The following RBFOX1 variants were observed in gnomAD, a reference collection of about 807,000 sequenced individuals.
RBFOX1 encodes RNA binding protein fox-1 homolog 1.
In RBFOX1, 8 loss-of-function variants were observed where a neutral mutation model predicts 57.7. That is an observed-to-expected ratio of 0.14 (90% confidence interval 0.08 to 0.25). The LOEUF (loss-of-function observed/expected upper bound fraction) is 0.25, where lower values mean the gene tolerates loss of function less well. RBFOX1 is among the 10% of genes least tolerant of loss of function. The pLI, the probability that RBFOX1 is intolerant of heterozygous loss-of-function variation, is 1.00. For missense variants in RBFOX1, 611 were observed against 548.5 expected (o/e 1.11, Z -1.14); for synonymous variants, 326 against 222.4 (o/e 1.47, Z -4.15).
At chr16:7,704,086 G>A (rs1218619558) in intron 14 of RBFOX1, among the ~76,000 whole-genome samples, 1 of 152,180 alleles carries the variant, frequency 6.6e-6, no homozygotes, top group Non-Finnish European at 1.5e-5. Context: ...TACAAATGAG[G>A]AAGATGAGGC....
intron 4 of RBFOX1, among the ~76,000 whole-genome samples, chr16:7,388,028 C>G (rs1207024523): frequency 6.6e-6 from 1 of 150,928 alleles, no homozygotes. Context: ...AACAAAATAT[C>G]CTTTTTTTTG....
rs879507399 is a variant in RBFOX1 at position 7,098,366 on chromosome 16, C to T, written c.27+46268C>T. 1.1e-4 allele frequency among the ~76,000 whole-genome samples: 16 copies of T among 152,098 alleles called. 1 individual carries two copies. Among genetic ancestry groups the T allele is most frequent in the South Asian group, 4.1e-4 (2 of 4,822 alleles). On this transcript the variant is annotated intron_variant, in intron 4 of 15. Transcript: ENST00000550418. ...TATATTTTTAGTGGAGATGGGGTTT[C>T]GCCATTTTAGCCAGGCTGGCCTCAA...
intron 4 of RBFOX1, among the ~76,000 whole-genome samples, chr16:7,348,556 G>C (rs1366480179): frequency 6.6e-6 from 1 of 152,122 alleles, no homozygotes; most frequent in Non-Finnish European, 1.5e-5. Context: ...TAAGTAAATA[G>C]ATCACCAAAG....
intron 4 of RBFOX1, among the ~76,000 whole-genome samples, chr16:7,478,690 C>G (rs922255366): frequency 6.6e-6 from 1 of 152,190 alleles, no homozygotes; most frequent in East Asian, 1.9e-4. Flanking sequence ...AAACCTCAAC[C>G]TCTGAATATG....
At chr16:6,404,893 A>G (rs566495395) in intron 2 of RBFOX1, among the ~76,000 whole-genome samples, 1 of 152,338 alleles carries the variant, frequency 6.6e-6, no homozygotes, top group Non-Finnish European at 1.5e-5. Context: ...TATGGAAGGA[A>G]GAAGCCTGGC....
At chr16:6,411,098 G>A (rs943042142) in intron 2 of RBFOX1, among the ~76,000 whole-genome samples, 2 of 152,168 alleles carry the variant, frequency 1.3e-5, no homozygotes, top group African/African-American at 4.8e-5. Context: ...CCAACTGGAT[G>A]TCCCGCAATC....
chr16:7,195,048 C>A lies in RBFOX1; in HGVS notation c.27+142950C>A, dbSNP rs537902655. On this transcript the variant is annotated intron_variant, in intron 4 of 15. Coordinates refer to ENST00000550418, the MANE Select transcript of RBFOX1 (RefSeq NM_018723.4). ...TTGTTTATTGTTCTTCTAATTCTAG[C>A]AACAAAACTTTAAAAAATTATACTC... Among the ~76,000 whole-genome samples the A allele has an allele frequency of 2.0e-3, 307 of 151,698 alleles. 2 individuals carry two copies. The highest frequency in any genetic ancestry group is 7.0e-3 in the African/African-American group (289 of 41,326).
At chr16:6,382,918 G>A (rs1235841794) in intron 2 of RBFOX1, among the ~76,000 whole-genome samples, 4 of 152,130 alleles carry the variant, frequency 2.6e-5, no homozygotes, top group South Asian at 4.1e-4. Flanking sequence ...ATTACCCAAA[G>A]CAGGAGAAGC....
chr16:5,705,504 G>T (rs186944642), intron 3 of RBFOX1, among the ~76,000 whole-genome samples: 1 of 152,178 alleles, frequency 6.6e-6, no homozygotes, highest in African/African-American at 2.4e-5. Flanking sequence ...CTCAAGCAAG[G>T]ATCTCTCAGC....
rs906120267 is a variant in RBFOX1, at chr16:5,341,111, A to C, written c.219+101006A>C. ...GCAGGAACAAGCTTGGTGAATTTGC[A>C]GGAGACCAAGGATGCCAGCAGGGTT... On this transcript the variant is annotated intron_variant, in intron 1 of 2. Transcript: ENST00000585867. Among the ~76,000 whole-genome samples, 3 of 152,286 alleles carry C rather than the reference A, an allele frequency of 2.0e-5. No homozygotes were observed. In the East Asian group the frequency reaches 5.8e-4, roughly 29 times the overall value.
chr16:6,686,703 T>C (rs1340209788), intron 3 of RBFOX1, among the ~76,000 whole-genome samples: 2 of 152,306 alleles, frequency 1.3e-5, no homozygotes, highest in East Asian at 1.9e-4. Context: ...GGGAACGCAA[T>C]TGTGAGACTA....
chr16:5,532,893 T>G (rs893826787), intron 2 of RBFOX1, among the ~76,000 whole-genome samples: 1 of 152,312 alleles, frequency 6.6e-6, no homozygotes, highest in Admixed American at 6.5e-5. Flanking sequence ...CTGGAGACCC[T>G]GATGGAGATG....
chr16:7,460,389 A>ATATATATGTGTGTG lies in RBFOX1; in HGVS notation c.28-57757_28-57756insATATATGTGTGTGT. Among the ~76,000 whole-genome samples, 169 of 87,194 alleles carry ATATATATGTGTGTG rather than the reference A, an allele frequency of 1.9e-3. 1 individual carries two copies. Among genetic ancestry groups the ATATATATGTGTGTG allele is most frequent in the African/African-American group, 9.8e-3 (150 of 15,348 alleles). The allele number at this position is 87,194 out of a possible 152,430, so 57.2% of individuals were successfully genotyped here. On this transcript the variant is annotated intron_variant, in intron 4 of 15. Transcript: ENST00000550418. ...TAGCAAAATATATATATATATATAT[A>ATATATATGTGTGTG]TGTGTGTGTGTGTGTGTGTGTGTGT...
At position 7,472,645 on chromosome 16, in the gene RBFOX1, A is replaced by T. The variant is rs9936852; in HGVS notation, c.28-45502A>T. Among the ~76,000 whole-genome samples the T allele has an allele frequency of 9.9e-3, 1,505 of 152,298 alleles. 33 individuals are homozygous for T. The highest frequency in any genetic ancestry group is 0.035 in the African/African-American group (1,447 of 41,564). On this transcript the variant is annotated intron_variant, in intron 4 of 15. Coordinates refer to ENST00000550418, the MANE Select transcript of RBFOX1 (RefSeq NM_018723.4). ...TCTCCTCCGAGACTGCACTGTAGCTATTTTTGAGCATTAATCCAGAGGCAG... is the reference window on the plus strand; with the variant it reads ...TCTCCTCCGAGACTGCACTGTAGCTTTTTTTGAGCATTAATCCAGAGGCAG...
intron 4 of RBFOX1, among the ~76,000 whole-genome samples, chr16:5,906,015 T>C (rs1212255277): frequency 6.6e-6 from 1 of 152,222 alleles, no homozygotes; most frequent in Non-Finnish European, 1.5e-5. Flanking sequence ...GGGAGGATGC[T>C]GTCTGCAGGT....
At chr16:5,242,354 T>C (rs2062188820) in intron 1 of RBFOX1, among the ~76,000 whole-genome samples, 3 of 152,198 alleles carry the variant, frequency 2.0e-5, no homozygotes, top group African/African-American at 7.2e-5. Context: ...CCACCCTCTT[T>C]TCATGGTGTC....
chr16:6,196,436 C>T (rs749502029), intron 1 of RBFOX1, among the ~76,000 whole-genome samples: 3 of 152,210 alleles, frequency 2.0e-5, no homozygotes, highest in East Asian at 1.9e-4. Flanking sequence ...TTGCAGAAAA[C>T]GTTTAACACA....
At chr16:7,684,710 A>G (rs2075683193) in intron 14 of RBFOX1, among the ~76,000 whole-genome samples, 1 of 151,884 alleles carries the variant, frequency 6.6e-6, no homozygotes. Context: ...TTAAAATTTT[A>G]GAATGTATTA....
intron 4 of RBFOX1, among the ~76,000 whole-genome samples, chr16:7,443,451 C>A (rs1337139477): frequency 2.0e-5 from 3 of 151,564 alleles, no homozygotes; most frequent in African/African-American, 4.9e-5. Context: ...TTGCCCCCTC[C>A]CCCTCTCTTA....
Sources: allele counts gnomAD v4.1 joint callset (sites outside exome capture counted in the v4.1 genomes callset), GRCh38; gene constraint gnomAD v4.1.1; transcripts MANE v1.5; gene names NCBI Gene and HGNC (gene_info 2026-07-23, HGNC 2026-07-21).